The following TBCE variants were observed in gnomAD, a reference collection of about 807,000 sequenced individuals.
The protein encoded by TBCE is tubulin-specific chaperone E.
In TBCE, 53 loss-of-function variants were observed where a neutral mutation model predicts 77.0. The ratio of observed to expected loss-of-function variants is 0.69; its 90% CI spans 0.55 to 0.87. TBCE has a LOEUF of 0.87. Ranked by LOEUF, TBCE falls within the 40% of genes least tolerant of loss-of-function variation. The probability of loss-of-function intolerance (pLI) is 0.00; values close to 1 mark genes in which losing one functional copy is unlikely to be tolerated. For synonymous variants in TBCE, 235 were observed against 241.3 expected (o/e 0.97, Z 0.24); for missense variants, 624 against 622.4 (o/e 1.00, Z -0.03).
rs753145275 is a variant in TBCE, at chr1:235,430,853, G to A, written c.660+49G>A. The A allele has an allele frequency of 2.6e-6, 4 of 1,511,790 alleles. No homozygotes were observed. The Admixed American group carries it at 5.1e-5, about 19-fold the overall frequency. The allele number at this position is 1,511,790 out of a possible 1,614,324, so 93.6% of individuals were successfully genotyped here. On this transcript the variant is annotated intron_variant, in intron 7 of 16. Transcript: ENST00000642610. ...TACACATTAATAAGCAATTAAAAATGTTTGGTTTAATAGAGAATTGTTAGT... is the reference window on the plus strand; with the variant it reads ...TACACATTAATAAGCAATTAAAAATATTTGGTTTAATAGAGAATTGTTAGT...
At chr1:235,404,820 C>A (rs1679322107) in intron 3 of TBCE, among the ~76,000 whole-genome samples, 1 of 151,920 alleles carries the variant, frequency 6.6e-6, no homozygotes, top group African/African-American at 2.4e-5. Context: ...CGCCACCACA[C>A]CTGGGTAATT....
At chr1:235,383,195 A>G (rs1459229120) in intron 2 of TBCE, among the ~76,000 whole-genome samples, 1 of 149,410 alleles carries the variant, frequency 6.7e-6, no homozygotes, top group African/African-American at 2.4e-5. Flanking sequence ...TGGTACCAGT[A>G]CCATGCTGTT....
At chr1:235,370,657 A>G (rs1301055315) in intron 1 of TBCE, among the ~76,000 whole-genome samples, 1 of 151,186 alleles carries the variant, frequency 6.6e-6, no homozygotes, top group African/African-American at 2.4e-5. Context: ...CAGACACTCC[A>G]TAATATAATT....
Position 235,368,072 on chromosome 1 carries a change from A to T in TBCE, c.-32+568A>T, listed in dbSNP as rs537244618. Among the ~76,000 whole-genome samples, 9 of 152,122 alleles carry T rather than the reference A, an allele frequency of 5.9e-5. No homozygotes were observed. The East Asian group carries it at 1.7e-3, about 29-fold the overall frequency. ...AGGCGCGTGCCACCACGCTCGGCTA[A>T]TTTTTGTATTTTTAGTAGAGACAGG... On this transcript the variant is annotated intron_variant, in intron 1 of 16. Transcript: ENST00000642610.
chr1:235,438,181 G>A (rs141096434), intron 12 of TBCE, among the ~76,000 whole-genome samples: 119 of 152,352 alleles, frequency 7.8e-4, no homozygotes, highest in African/African-American at 2.7e-3. Context: ...GCGCCTCCAG[G>A]CAGACCTGGG....
At chr1:235,391,649 C>T (rs1678402379) in intron 2 of TBCE, among the ~76,000 whole-genome samples, 2 of 135,644 alleles carry the variant, frequency 1.5e-5, no homozygotes, top group Non-Finnish European at 3.1e-5. Context: ...CTCTGTCACC[C>T]AGGCTGGAGT....
chr1:235,405,976 T>C (rs1428564656), intron 3 of TBCE, among the ~76,000 whole-genome samples: 1 of 152,218 alleles, frequency 6.6e-6, no homozygotes, highest in African/African-American at 2.4e-5. Flanking sequence ...ATGACTGTAT[T>C]TGGATTCTTA....
intron 7 of TBCE, 31 bp downstream of exon 7, chr1:235,430,835 T>A (rs766431737): frequency 1.3e-6 from 2 of 1,548,904 alleles, no homozygotes; most frequent in Admixed American, 1.7e-5. Flanking sequence ...TATTACACAT[T>A]AATAAGCAAT....
chr1:235,410,772 T>C (rs1679740692), intron 3 of TBCE, among the ~76,000 whole-genome samples: 1 of 152,208 alleles, frequency 6.6e-6, no homozygotes, highest in African/African-American at 2.4e-5. Flanking sequence ...CCACTTTCTG[T>C]AACTTCTTTA....
chr1:235,429,943 C>G (rs553695148), intron 6 of TBCE: 1 of 152,444 alleles, frequency 6.6e-6, no homozygotes, highest in South Asian at 2.1e-4. Flanking sequence ...GTCTTGAACT[C>G]CTGACCTCAG....
At chr1:235,381,021 C>G (rs1677604219) in intron 2 of TBCE, among the ~76,000 whole-genome samples, 1 of 152,008 alleles carries the variant, frequency 6.6e-6, no homozygotes, top group Non-Finnish European at 1.5e-5. Context: ...CTGAGGTGTT[C>G]TGCCTGCCTC....
chr1:235,450,491 G>T lies in TBCE; in HGVS notation c.*1729G>T. The T allele has an allele frequency of 1.1e-6, 1 of 925,650 alleles. No individual in the cohort carries two copies. The allele number at this position is 925,650 out of a possible 1,614,324, so 57.3% of individuals were successfully genotyped here. A position where few individuals can be genotyped will look rare whatever the true frequency, so the allele number is the denominator to read the frequency against. ...GTGTGGAACAACTGGTGAGGTTTGG[G>T]GGTGGCACCTCCTGATTTGGGAAAG... On this transcript the variant is annotated 3_prime_UTR_variant, in exon 17 of 17. Transcript: ENST00000642610.
At chr1:235,439,864 C>T (rs1681725592) in intron 13 of TBCE, among the ~76,000 whole-genome samples, 2 of 151,960 alleles carry the variant, frequency 1.3e-5, no homozygotes, top group South Asian at 2.1e-4. Context: ...TGCAGTGGCA[C>T]AATCTCAGCT....
intron 2 of TBCE, among the ~76,000 whole-genome samples, chr1:235,391,709 C>A (rs919030866): frequency 1.4e-5 from 2 of 143,658 alleles, no homozygotes; most frequent in Non-Finnish European, 3.0e-5. Flanking sequence ...CAGGTTCAAG[C>A]GGTTCTCCTC....
intron 15 of TBCE, among the ~76,000 whole-genome samples, chr1:235,447,001 A>T (rs1682383158): frequency 6.6e-6 from 1 of 151,968 alleles, no homozygotes; most frequent in Non-Finnish European, 1.5e-5. Context: ...TTATGACCAA[A>T]CTTTTTGTTT....
chr1:235,446,491 C>T (rs1401775785), intron 15 of TBCE, among the ~76,000 whole-genome samples: 1 of 151,886 alleles, frequency 6.6e-6, no homozygotes, highest in Non-Finnish European at 1.5e-5. Flanking sequence ...ACCTATACAT[C>T]CTTATATGAA....
chr1:235,436,695 T>TA, intron 11 of TBCE, 87 bp downstream of exon 11: 1 of 1,298,240 alleles, frequency 7.7e-7, no homozygotes, highest in Non-Finnish European at 1.1e-6. Context: ...ACCAAAAAAG[T>TA]AAAAAGAAAT....
rs1480155345 is a variant in TBCE, at chr1:235,448,735, T to C, written c.1557T>C (p.Asn519=). The C allele has an allele frequency of 6.2e-7, 1 of 1,613,704 alleles. No homozygotes were observed. Among genetic ancestry groups the C allele is most frequent in the Non-Finnish European group, 8.5e-7 (1 of 1,179,866 alleles). ...LKSLQFYSVE[N]GDCLLVRW The stretch of plus-strand genomic sequence containing the variant: ...CATTACAGTTTTATTCTGTGGAAAA[T>C]GGAGATTGTCTATTAGTGCGATGGT... The change falls in exon 17 of 17, where the codon AAT becomes AAC. Residue 519 remains asparagine, a synonymous_variant. Transcript: ENST00000642610.
intron 14 of TBCE, among the ~76,000 whole-genome samples, 188 bp downstream of exon 14, chr1:235,442,070 T>C (rs1050019199): frequency 6.6e-6 from 1 of 151,452 alleles, no homozygotes; most frequent in African/African-American, 2.4e-5. Flanking sequence ...TGCAGTGGTG[T>C]GATCTCAGCT....
Sources: gnomAD v4.1 joint callset for allele counts (sites outside exome capture counted in the v4.1 genomes callset) on GRCh38, gnomAD v4.1.1 for gene constraint, MANE v1.5 for transcripts, NCBI Gene and HGNC (gene_info 2026-07-23, HGNC 2026-07-21) for gene names.